The following DNAH3 variants were observed in gnomAD, a reference collection of about 807,000 sequenced individuals.
The protein encoded by DNAH3 is axonemal beta dynein heavy chain 3.
Under a neutral mutation model 432.5 loss-of-function variants are expected in DNAH3, and 332 were observed. The ratio of observed to expected loss-of-function variants is 0.77; its 90% CI spans 0.70 to 0.84. DNAH3 has a LOEUF of 0.84. Ranked by LOEUF, DNAH3 falls within the 40% of genes least tolerant of loss-of-function variation. The probability of loss-of-function intolerance (pLI) is 0.00; values close to 1 mark genes in which losing one functional copy is unlikely to be tolerated. For synonymous variants in DNAH3, 1,956 were observed against 1,900.2 expected, an observed-to-expected ratio of 1.03 and a Z score of -0.76; for missense variants, 4,861 against 5,114.0, an observed-to-expected ratio of 0.95 and a Z score of 1.51.
At chr16:20,982,956 T>C in intron 48 of DNAH3, 70 bp from the exon 49 acceptor site, 1 of 1,574,144 alleles carries the variant, frequency 6.4e-7, no homozygotes, top group Non-Finnish European at 8.7e-7. Flanking sequence ...AGGCGGGTAT[T>C]CCCAAGGATT....
intron 38 of DNAH3, 54 bp from the exon 39 acceptor site, chr16:21,024,755 G>T (rs1485201887): frequency 7.3e-6 from 10 of 1,376,882 alleles, no homozygotes; most frequent in Non-Finnish European, 1.0e-5. Flanking sequence ...ACTAATACGG[G>T]TTAACATTTA....
At chr16:21,145,221 A>G (rs751426055) in exon 3 of DNAH3, 4 of 1,613,032 alleles carry the variant, frequency 2.5e-6, no homozygotes, top group South Asian at 1.1e-5. Context: ...CCCTAGGGAC[A>G]CTGATGGTGG....
intron 9 of DNAH3, among the ~76,000 whole-genome samples, chr16:21,122,691 T>C (rs962572253): frequency 6.6e-6 from 1 of 152,208 alleles, no homozygotes; most frequent in Non-Finnish European, 1.5e-5. Flanking sequence ...TCTAGATCCT[T>C]CCCATCCTTC....
At chr16:21,048,522 G>A (rs186050954) in intron 31 of DNAH3, among the ~76,000 whole-genome samples, 124 of 152,286 alleles carry the variant, frequency 8.1e-4, no homozygotes, top group Admixed American at 1.4e-3. Flanking sequence ...GCAATGCCTC[G>A]CCCTGCTTCG....
intron 54 of DNAH3, 99 bp from the exon 55 acceptor site, chr16:20,955,156 C>G (rs925611927): frequency 8.1e-7 from 1 of 1,241,458 alleles, no homozygotes; most frequent in South Asian, 1.8e-5. Context: ...AACAGACCAG[C>G]CTGGGTAACA....
chr16:20,968,845 G>C (rs1352580888), intron 52 of DNAH3, among the ~76,000 whole-genome samples: 2 of 148,206 alleles, frequency 1.3e-5, no homozygotes, highest in Non-Finnish European at 3.0e-5. Context: ...CCCTGTCTCT[G>C]TCTCTCTTCT....
intron 56 of DNAH3, among the ~76,000 whole-genome samples, chr16:20,951,565 C>A (rs933540534): frequency 7.3e-5 from 11 of 151,592 alleles, no homozygotes; most frequent in African/African-American, 2.7e-4. Context: ...CACCTTAGTC[C>A]CCTGAGTAGC....
At chr16:21,083,333 T>TA (rs1199430148) in intron 19 of DNAH3, among the ~76,000 whole-genome samples, 1 of 152,152 alleles carries the variant, frequency 6.6e-6, no homozygotes, top group Non-Finnish European at 1.5e-5. Flanking sequence ...GAGATTTTTT[T>TA]ATAATGACTC....
rs2089360333 is a variant in DNAH3, at chr16:21,040,025, T to C, written c.4639-82A>G. On this transcript the variant is annotated intron_variant, in intron 32 of 61. Coordinates refer to ENST00000261383, the Ensembl canonical transcript of DNAH3. The stretch of plus-strand genomic sequence containing the variant: ...GCACATTCACAGAAGCAAAGGGAAG[T>C]AGCTTTGCTTCATTCAGGCCACTCC... The C allele has an allele frequency of 9.7e-5, 114 of 1,179,618 alleles. No individual in the cohort carries two copies. The South Asian group carries it at 1.4e-3, about 15-fold the overall frequency. 73.1% of individuals were successfully genotyped at this position (1,179,618 alleles called of 1,614,324 possible). A position where few individuals can be genotyped will look rare whatever the true frequency, so the allele number is the denominator to read the frequency against.
chr16:20,967,263 G>A (rs1477324219), intron 52 of DNAH3, among the ~76,000 whole-genome samples: 1 of 152,088 alleles, frequency 6.6e-6, no homozygotes, highest in Non-Finnish European at 1.5e-5. Flanking sequence ...CAATTCCATG[G>A]TTTGGGTGAA....
chr16:21,136,075 T>C (rs1475759188), intron 6 of DNAH3, among the ~76,000 whole-genome samples: 1 of 151,882 alleles, frequency 6.6e-6, no homozygotes, highest in Non-Finnish European at 1.5e-5. Context: ...GTTTTGGGTA[T>C]TTCCAGTGGA....
intron 31 of DNAH3, among the ~76,000 whole-genome samples, chr16:21,048,266 T>TC (rs894498559): frequency 1.2e-4 from 18 of 151,972 alleles, no homozygotes; most frequent in Non-Finnish European, 2.4e-4. Flanking sequence ...CGGGCGCCCC[T>TC]CCCCCAGCCA....
At chr16:21,086,907 T>C in exon 19 of DNAH3, 2 of 1,614,202 alleles carry the variant, frequency 1.2e-6, no homozygotes, top group East Asian at 2.2e-5. Flanking sequence ...GATGGGAATG[T>C]ACTGCTTGAA....
chr16:20,986,698 C>A (rs1041063144), intron 47 of DNAH3, among the ~76,000 whole-genome samples: 1 of 152,116 alleles, frequency 6.6e-6, no homozygotes, highest in African/African-American at 2.4e-5. Context: ...CTGGTCCCCA[C>A]TCTGTGCCTG....
In DNAH3 at chr16:21,106,365, C is replaced by T. The variant is rs990010113; in HGVS notation, c.2284+125G>A. 5.8e-5 allele frequency: 47 copies of T among 816,766 alleles called. No homozygotes were observed. The African/African-American group carries it at 7.4e-4, about 13-fold the overall frequency. 50.6% of individuals were successfully genotyped at this position (816,766 alleles called of 1,614,324 possible). A position where few individuals can be genotyped will look rare whatever the true frequency, so the allele number is the denominator to read the frequency against. On this transcript the variant is annotated intron_variant, in intron 15 of 61. Transcript: ENST00000261383. ...TAGTGGTAGAATTCATATAACTATCCTTTTGCTCAACACTTTACCCCTAAA... is the reference window on the plus strand; with the variant it reads ...TAGTGGTAGAATTCATATAACTATCTTTTTGCTCAACACTTTACCCCTAAA...
At chr16:21,001,566 G>A (rs1377251998) in intron 42 of DNAH3, among the ~76,000 whole-genome samples, 1 of 152,128 alleles carries the variant, frequency 6.6e-6, no homozygotes, top group African/African-American at 2.4e-5. Context: ...CAAGCAATTT[G>A]ATCAAAGGAA....
chr16:21,099,817 CTTAT>C (rs1462383279), intron 16 of DNAH3, among the ~76,000 whole-genome samples: 3 of 152,130 alleles, frequency 2.0e-5, no homozygotes, highest in East Asian at 1.9e-4. Context: ...TTGATTTTTA[CTTAT>C]TTATTAATTT....
At position 21,022,246 on chromosome 16, in the gene DNAH3, C is replaced by T. The variant is rs181752352; in HGVS notation, c.5647-146G>A. 9.0e-5 allele frequency: 69 copies of T among 767,512 alleles called. No homozygotes were observed. In the East Asian group the frequency reaches 1.7e-3, roughly 19 times the overall value. 47.5% of individuals were successfully genotyped at this position (767,512 alleles called of 1,614,324 possible). A position where few individuals can be genotyped will look rare whatever the true frequency, so the allele number is the denominator to read the frequency against. Reference sequence around the variant, plus strand: ...GCATTGGGGGAAAACTTATAGGCAACAAGACCCCTATCTCAGCATCCTCCT... The same window carrying T: ...GCATTGGGGGAAAACTTATAGGCAATAAGACCCCTATCTCAGCATCCTCCT... On this transcript the variant is annotated intron_variant, in intron 39 of 61. Coordinates refer to ENST00000261383, the Ensembl canonical transcript of DNAH3.
intron 41 of DNAH3, among the ~76,000 whole-genome samples, chr16:21,013,243 T>C (rs2087693557): frequency 6.6e-6 from 1 of 151,978 alleles, no homozygotes; most frequent in African/African-American, 2.4e-5. Flanking sequence ...TTAATAAAAT[T>C]GATAGGCCGG....
Sources: allele counts gnomAD v4.1 joint callset (sites outside exome capture counted in the v4.1 genomes callset), GRCh38; gene constraint gnomAD v4.1.1; transcripts MANE v1.5; gene names NCBI Gene and HGNC (gene_info 2026-07-23, HGNC 2026-07-21).